The following LILRA6 variants were observed in gnomAD, a reference collection of about 807,000 sequenced individuals.
LILRA6 encodes the protein leukocyte immunoglobulin-like receptor subfamily A member 6.
A neutral mutation model predicts 53.9 loss-of-function variants in LILRA6; 16 were observed. The observed-to-expected ratio is 0.30, with a 90% CI of 0.20 to 0.45. The LOEUF is 0.45. Among genes scored for constraint, LILRA6 ranks in the 20% least tolerant of loss-of-function variants. The pLI, the probability that LILRA6 is intolerant of heterozygous loss-of-function variation, is 1.00. For missense variants in LILRA6, 306 were observed against 618.6 expected (o/e 0.49, Z 5.36); for synonymous variants, 135 against 256.4 (o/e 0.53, Z 4.52).
rs1205229650 is a variant in LILRA6 at position 54,239,758 on chromosome 19, C to T, written c.1309+143G>A. 9 of 1,550,288 alleles carry T rather than the reference C, an allele frequency of 5.8e-6. 2 individuals carry two copies. In the African/African-American group the frequency reaches 1.3e-4, roughly 22 times the overall value. On this transcript the variant is annotated intron_variant, in intron 7 of 7. Coordinates refer to ENST00000396365, the Ensembl canonical transcript of LILRA6. ...GCTGGGCCCCAACATCTCTCTCTGC[C>T]TTGAACCCCCCACTCTTCACCAGCC...
At chr19:54,239,410 C>T (rs2078687555) in intron 7 of LILRA6, 1 of 663,326 alleles carries the variant, frequency 1.5e-6, no homozygotes, top group African/African-American at 1.9e-5. Flanking sequence ...CCAGTCTCCT[C>T]ATGAAACTAT....
At chr19:54,238,989 G>A in exon 8 of LILRA6, 1 of 1,611,410 alleles carries the variant, frequency 6.2e-7, no homozygotes, top group Non-Finnish European at 8.5e-7. Flanking sequence ...TTCTCTGGCT[G>A]TGCTGAGCCT....
chr19:54,241,858 G>A (rs774042971), exon 4 of LILRA6: 1 of 1,295,674 alleles, frequency 7.7e-7, no homozygotes, highest in Admixed American at 1.9e-5. Flanking sequence ...AGGGCTGAGA[G>A]GGTGGGTTTG....
chr19:54,242,478 A>G (rs1239813581), intron 2 of LILRA6, 41 bp downstream of exon 2: 1 of 1,073,792 alleles, frequency 9.3e-7, no homozygotes, highest in Non-Finnish European at 1.3e-6. Context: ...CCTTGTCCCT[A>G]GTAAGGATGA....
In LILRA6 at chr19:54,240,295, G is replaced by A. The variant is rs767009944; in HGVS notation, c.1237C>T (p.Pro413Ser). Residue 413 changes from proline (P) to serine (S), a missense_variant, in exon 6 of 8, where the codon CCC becomes TCC. Coordinates refer to ENST00000396365, the Ensembl canonical transcript of LILRA6. ...TCACCTGAGACCATGAGTTCCAGGG[G>A]CTCACTGGGGAAAGACAGCAGGTGG... 7 of 1,603,478 alleles carry A rather than the reference G, an allele frequency of 4.4e-6. No homozygotes were observed. In the East Asian group the frequency reaches 8.9e-5, roughly 20 times the overall value.
At chr19:54,239,034 G>A in exon 8 of LILRA6, 1 of 1,611,362 alleles carries the variant, frequency 6.2e-7, no homozygotes, top group Non-Finnish European at 8.5e-7. Context: ...CCAGGACCAA[G>A]CCTGCCATGC....
intron 2 of LILRA6, 44 bp from the exon 3 acceptor site, chr19:54,242,354 C>T (rs1437109425): frequency 2.6e-6 from 3 of 1,142,160 alleles, no homozygotes; most frequent in Non-Finnish European, 2.4e-6. Context: ...TCCCCACGCT[C>T]AGATCCCAGC....
At chr19:54,239,498 CT>C in intron 7 of LILRA6, 1 of 656,668 alleles carries the variant, frequency 1.5e-6, no homozygotes, top group Non-Finnish European at 2.5e-6. Context: ...GATTCTCCAC[CT>C]TCACTCCCTT....
At chr19:54,239,490 T>C (rs2078689090) in intron 7 of LILRA6, 1 of 642,186 alleles carries the variant, frequency 1.6e-6, no homozygotes, top group Non-Finnish European at 2.6e-6. Context: ...ATGGGCTGGA[T>C]TCTCCACCTT....
Position 54,239,496 on chromosome 19 carries a change from A to G in LILRA6, c.1309+405T>C, listed in dbSNP as rs368168769. ...CTCCCTCCCATGGGCTGGATTCTCC[A>G]CCTTCACTCCCTTCTTTCCTAGTGT... On this transcript the variant is annotated intron_variant, in intron 7 of 7. Transcript: ENST00000396365. 7.1e-5 allele frequency: 46 copies of G among 650,300 alleles called. 3 individuals carry two copies. The African/African-American group carries it at 8.8e-4, about 12-fold the overall frequency. The allele number at this position is 650,300 out of a possible 1,614,324, so 40.3% of individuals were successfully genotyped here.
In LILRA6 at chr19:54,242,773, C is replaced by T. The variant is rs139758441; in HGVS notation, c.-22G>A. On this transcript the variant is annotated 5_prime_UTR_variant, in exon 1 of 8. Coordinates refer to ENST00000396365, the Ensembl canonical transcript of LILRA6. ...TCATGGCGTCTCCTCCTGGTGACCC[C>T]GGGCTCTGCAGAGGGATGAGCCCTC... The T allele has an allele frequency of 8.5e-6, 9 of 1,054,378 alleles. 3 individuals are homozygous for T. The highest frequency in any genetic ancestry group is 6.4e-5 in the South Asian group (3 of 47,154). 65.3% of individuals were successfully genotyped at this position (1,054,378 alleles called of 1,614,324 possible). A position where few individuals can be genotyped will look rare whatever the true frequency, so the allele number is the denominator to read the frequency against.
chr19:54,240,861 G>C (rs199988938), exon 5 of LILRA6: 7 of 1,613,836 alleles, frequency 4.3e-6, no homozygotes, highest in Non-Finnish European at 5.9e-6. Flanking sequence ...GGGTCGCTGG[G>C]GGCCGACCAC....
At chr19:54,239,269 A>G (rs2078684002) in intron 7 of LILRA6, 180 bp from the exon 8 acceptor site, 2 of 1,502,778 alleles carry the variant, frequency 1.3e-6, no homozygotes, top group Admixed American at 2.2e-5. Flanking sequence ...CCTCCTGAGA[A>G]TCAAAACAGA....
At chr19:54,239,018 G>A in exon 8 of LILRA6, 2 of 1,611,350 alleles carry the variant, frequency 1.2e-6, no homozygotes, top group Non-Finnish European at 1.7e-6. Flanking sequence ...AGAATCCCGA[G>A]GAACACCAGG....
chr19:54,237,222 G>A (rs2078651325), downstream of LILRA6: 1 of 150,688 alleles, frequency 6.6e-6, no homozygotes, highest in South Asian at 2.1e-4. Context: ...AATTAGCGAG[G>A]TGTGATGGTG....
chr19:54,240,314 C>T (rs2078719249), exon 6 of LILRA6: 1 of 1,603,264 alleles, frequency 6.2e-7, no homozygotes, highest in East Asian at 2.2e-5. Context: ...GGAAAGACAG[C>T]AGGTGGGGGT....
rs769675521 is a variant in LILRA6 at position 54,240,127 on chromosome 19, T to C, written c.1258+147A>G. The C allele has an allele frequency of 5.5e-3, 8,001 of 1,452,836 alleles. No individual in the cohort carries two copies. In the African/African-American group the frequency reaches 0.089, roughly 16 times the overall value. The allele number at this position is 1,452,836 out of a possible 1,614,324, so 90.0% of individuals were successfully genotyped here. A position where few individuals can be genotyped will look rare whatever the true frequency, so the allele number is the denominator to read the frequency against. ...GTGGCCACGCCTAGGAGAACCCCTG[T>C]TGGCCTCCTCCCCTCTGAGGGCTGG... On this transcript the variant is annotated intron_variant, in intron 6 of 7. Transcript: ENST00000396365.
chr19:54,238,977 G>A (rs769216895), exon 8 of LILRA6: 4 of 1,611,348 alleles, frequency 2.5e-6, no homozygotes, highest in Non-Finnish European at 2.5e-6. Flanking sequence ...CATCTTGGGG[G>A]TTTCTCTGGC....
At chr19:54,238,789 G>A (rs1175083818) in exon 8 of LILRA6, 1 of 1,292,562 alleles carries the variant, frequency 7.7e-7, no homozygotes, top group African/African-American at 1.6e-5. Context: ...GAAGTAAGGT[G>A]GAGACCCAAA....
Sources: gnomAD v4.1 joint callset for allele counts on GRCh38, gnomAD v4.1.1 for gene constraint, MANE v1.5 for transcripts, NCBI Gene and HGNC (gene_info 2026-07-23, HGNC 2026-07-21) for gene names.